PMFBP1: variants seen among roughly 807,000 people sequenced by gnomAD.
The protein encoded by PMFBP1 is polyamine modulated factor 1 binding protein 1.
In PMFBP1, 131 loss-of-function variants were observed where a neutral mutation model predicts 137.8. That is an observed-to-expected ratio of 0.95 (90% CI 0.82 to 1.10). PMFBP1 has a LOEUF of 1.10. Among genes scored for constraint, PMFBP1 ranks in the 50% least tolerant of loss-of-function variants. The pLI is 0.00. For synonymous variants in PMFBP1, 490 were observed against 450.4 expected, an observed-to-expected ratio of 1.09 and a Z score of -1.11; for missense variants, 1,199 against 1,175.4, an observed-to-expected ratio of 1.02 and a Z score of -0.29.
the PMFBP1 span, among the ~76,000 whole-genome samples, chr16:72,189,055 G>A: frequency 6.6e-6 from 1 of 151,976 alleles, no homozygotes; most frequent in African/African-American, 2.4e-5. Flanking sequence ...AATACTTTTA[G>A]TGTTGACTTT....
chr16:72,146,570 G>C (rs762016044), intron 5 of PMFBP1, among the ~76,000 whole-genome samples: 4 of 152,218 alleles, frequency 2.6e-5, no homozygotes, highest in Non-Finnish European at 4.4e-5. Context: ...ATTAGGAAAA[G>C]AGGAAGTCAA....
intron 1 of PMFBP1, 83 bp from the exon 2 acceptor site, chr16:72,171,351 C>A: frequency 1.1e-6 from 1 of 916,444 alleles, no homozygotes; most frequent in South Asian, 1.6e-5. Flanking sequence ...GATCTATGCC[C>A]TCAGCAAGAG....
In PMFBP1 at chr16:72,125,417, G is replaced by T; in HGVS notation, c.2254-12C>A. 6.2e-7 allele frequency: 1 copy of T among 1,607,130 alleles called. No homozygotes were observed. The highest frequency in any genetic ancestry group is 1.1e-5 in the South Asian group (1 of 90,170). Reference sequence around the variant, plus strand: ...GTCACGTGATTGAGCTTCCGGAAAAGACAAAGAGGACGAATGGCTGTCAGA... The same window carrying T: ...GTCACGTGATTGAGCTTCCGGAAAATACAAAGAGGACGAATGGCTGTCAGA... On this transcript the variant is annotated splice_polypyrimidine_tract_variant and intron_variant, in intron 15 of 20. Coordinates refer to ENST00000237353, the MANE Select transcript of PMFBP1 (RefSeq NM_031293.3).
intron 2 of PMFBP1, 108 bp from the exon 3 acceptor site, chr16:72,165,024 A>G: frequency 8.2e-7 from 1 of 1,213,424 alleles, no homozygotes; most frequent in Non-Finnish European, 1.1e-6. Flanking sequence ...AAATTTGTCC[A>G]TCAACCATTA....
chr16:72,119,398 A>G (rs373084763), intron 20 of PMFBP1, 44 bp from the exon 21 acceptor site: 10 of 1,613,966 alleles, frequency 6.2e-6, no homozygotes, highest in Non-Finnish European at 7.6e-6. Flanking sequence ...TCGAGGAGAA[A>G]TTAACGAGGT....
the PMFBP1 span, among the ~76,000 whole-genome samples, chr16:72,188,206 C>T: frequency 6.6e-6 from 1 of 152,160 alleles, no homozygotes; most frequent in South Asian, 2.1e-4. Context: ...TTGAAAGGAG[C>T]AAAAGAGGTG....
chr16:72,140,484 G>A lies in PMFBP1; in HGVS notation c.735C>T (p.Val245=). The change falls in exon 6 of 21, where the codon GTC becomes GTT. Residue 245 remains valine (V), a synonymous_variant. Coordinates refer to ENST00000237353, the MANE Select transcript of PMFBP1 (RefSeq NM_031293.3). ...CATCCTGTTGAGAGACCTTTTGCCAGACTTCAGACAGTCGTTTCTGAGTCT... is the reference window on the plus strand; with the variant it reads ...CATCCTGTTGAGAGACCTTTTGCCAAACTTCAGACAGTCGTTTCTGAGTCT... ...HQETQKRLSE[V]WQKVSQQDDL... 1 of 1,613,786 alleles carries A rather than the reference G, an allele frequency of 6.2e-7. No homozygotes were observed. Among genetic ancestry groups the A allele is most frequent in the Non-Finnish European group, 8.5e-7 (1 of 1,179,670 alleles).
At chr16:72,160,025 A>G (rs1235285525) in intron 3 of PMFBP1, among the ~76,000 whole-genome samples, 1 of 152,214 alleles carries the variant, frequency 6.6e-6, no homozygotes, top group Admixed American at 6.5e-5. Context: ...GCTGCTAGAA[A>G]AGATGGGGAC....
chr16:72,119,333 G>A lies in PMFBP1; in HGVS notation c.*5C>T. 3 of 1,613,316 alleles carry A rather than the reference G, an allele frequency of 1.9e-6. No homozygotes were observed. The South Asian group carries it at 3.3e-5, about 18-fold the overall frequency. On this transcript the variant is annotated 3_prime_UTR_variant, in exon 21 of 21. Transcript: ENST00000237353. ...GGAAATGCTGCTCAGGGCTAGATGT[G>A]GATTCTAGCAGTATGAGGAACCTGA...
At chr16:72,220,915 C>G in the PMFBP1 span, among the ~76,000 whole-genome samples, 2 of 152,188 alleles carry the variant, frequency 1.3e-5, no homozygotes, top group Non-Finnish European at 2.9e-5. Context: ...AAAGTACCCC[C>G]TGGACATCTT....
intron 7 of PMFBP1, among the ~76,000 whole-genome samples, chr16:72,137,064 CAATGGTG>C (rs965631657): frequency 2.6e-5 from 4 of 152,108 alleles, no homozygotes; most frequent in Non-Finnish European, 5.9e-5. Context: ...TACTAAAAAC[CAATGGTG>C]AATTTTATAA....
At chr16:72,184,138 T>C in the PMFBP1 span, among the ~76,000 whole-genome samples, 2 of 152,194 alleles carry the variant, frequency 1.3e-5, no homozygotes, top group African/African-American at 4.8e-5. Flanking sequence ...CCTCTCCTTC[T>C]GGCCATTCCT....
At chr16:72,136,901 A>C in intron 7 of PMFBP1, 82 bp from the exon 8 acceptor site, 1 of 1,574,104 alleles carries the variant, frequency 6.4e-7, no homozygotes, top group South Asian at 1.1e-5. Context: ...ATCCACAGTC[A>C]ACAGTAAGTA....
chr16:72,123,472 T>A lies in PMFBP1; in HGVS notation c.2693+74A>T, dbSNP rs1597458310. 4.6e-6 allele frequency: 6 copies of A among 1,312,324 alleles called. No homozygotes were observed. In the East Asian group the frequency reaches 1.4e-4, roughly 30 times the overall value. The allele number at this position is 1,312,324 out of a possible 1,614,324, so 81.3% of individuals were successfully genotyped here. On this transcript the variant is annotated intron_variant, in intron 18 of 20. Transcript: ENST00000237353. ...GGAGTGCAGGGGTGTGTGTGACTAA[T>A]CTTTGGCACGCATGTGGCTCCTCGG...
chr16:72,185,873 C>G, the PMFBP1 span, among the ~76,000 whole-genome samples: 785 of 152,226 alleles, frequency 5.2e-3, 7 homozygotes, highest in African/African-American at 0.017. Flanking sequence ...AGAGGTAGAC[C>G]AATATGAGAA....
chr16:72,222,251 C>A, the PMFBP1 span, among the ~76,000 whole-genome samples: 1 of 152,064 alleles, frequency 6.6e-6, no homozygotes, highest in Non-Finnish European at 1.5e-5. Context: ...GGGTTAAAGG[C>A]ACTCACCACC....
chr16:72,198,417 A>T, the PMFBP1 span, among the ~76,000 whole-genome samples: 10 of 151,958 alleles, frequency 6.6e-5, no homozygotes, highest in African/African-American at 2.4e-4. Context: ...CAATATTCAG[A>T]AGGGCTACTC....
chr16:72,123,047 T>G, intron 18 of PMFBP1, 59 bp from the exon 19 acceptor site: 1 of 1,469,806 alleles, frequency 6.8e-7, no homozygotes, highest in Non-Finnish European at 9.4e-7. Context: ...CGAGCAAGGG[T>G]GCAGCTGGCT....
At chr16:72,216,968 C>A in the PMFBP1 span, among the ~76,000 whole-genome samples, 1 of 152,224 alleles carries the variant, frequency 6.6e-6, no homozygotes, top group Admixed American at 6.5e-5. Flanking sequence ...CATGATAGAT[C>A]TTTGCATCAT....
Sources: allele counts gnomAD v4.1 joint callset (sites outside exome capture counted in the v4.1 genomes callset), GRCh38; gene constraint gnomAD v4.1.1; transcripts MANE v1.5; gene names NCBI Gene and HGNC (gene_info 2026-07-23, HGNC 2026-07-21).